Variants in SNX29 observed in about 807,000 individuals in gnomAD.
The protein encoded by SNX29 is sorting nexin-29.
SNX29 carries 78 observed loss-of-function variants against 102.1 expected under a neutral mutation model. The observed-to-expected ratio is 0.76, with a 90% confidence interval of 0.64 to 0.92. The LOEUF (loss-of-function observed/expected upper bound fraction) is 0.92, where lower values mean the gene tolerates loss of function less well. Ranked by LOEUF, SNX29 falls within the 40% of genes least tolerant of loss-of-function variation. SNX29 has a pLI of 0.00. For missense variants in SNX29, 1,280 were observed against 1,061.7 expected (o/e 1.21, Z -2.86); for synonymous variants, 580 against 414.5 (o/e 1.40, Z -4.85).
chr16:12,150,617 G>A (rs186946775), intron 13 of SNX29, among the ~76,000 whole-genome samples: 231 of 152,302 alleles, frequency 1.5e-3, no homozygotes, highest in African/African-American at 4.6e-3. Context: ...CAGGAACAGC[G>A]TCTAATGAGC....
intron 19 of SNX29, among the ~76,000 whole-genome samples, chr16:12,508,772 G>A (rs8059749): frequency 0.24 from 35,839 of 151,936 alleles, 4,454 homozygotes; most frequent in South Asian, 0.48. Flanking sequence ...TAAATGCCAC[G>A]CCACCTTCTC....
intron 19 of SNX29, among the ~76,000 whole-genome samples, chr16:12,495,077 A>G (rs1220323634): frequency 2.0e-5 from 3 of 152,208 alleles, no homozygotes; most frequent in Non-Finnish European, 4.4e-5. Flanking sequence ...ACCTTTGCAC[A>G]TGCAGTTCCT....
At chr16:12,364,882 C>T (rs754547002) in intron 16 of SNX29, among the ~76,000 whole-genome samples, 1 of 152,316 alleles carries the variant, frequency 6.6e-6, no homozygotes, top group African/African-American at 2.4e-5. Flanking sequence ...TCCCCACCAC[C>T]TCCGCTCTCT....
In SNX29 at chr16:12,568,597, C is replaced by G. The variant is rs555538602; in HGVS notation, c.2410C>G (p.Arg804Gly). The G allele has an allele frequency of 1.9e-6, 3 of 1,605,746 alleles. No individual in the cohort carries two copies. The highest frequency in any genetic ancestry group is 2.2e-5 in the South Asian group (2 of 91,084). Residue 804 changes from arginine to glycine, a missense_variant, in exon 21 of 21, where the codon CGC becomes GGC. Arg to Gly is a moderately radical substitution (Grantham distance 125). Coordinates refer to ENST00000566228, the MANE Select transcript of SNX29 (RefSeq NM_032167.5). ...GTCCCGGGGTCAGCCCCGGGAGACC[C>G]GCAACGTGGAGCCCCAGAGCGGTGA... Reference protein sequence around the residue: ...KLSRGQPRETRNVEPQSGDL With the variant: ...KLSRGQPRETGNVEPQSGDL
intron 20 of SNX29, among the ~76,000 whole-genome samples, chr16:12,540,455 A>G (rs1202149676): frequency 6.6e-6 from 1 of 152,236 alleles, no homozygotes; most frequent in African/African-American, 2.4e-5. Flanking sequence ...GAAGTCCGAG[A>G]TCCGTCTTAC....
intron 19 of SNX29, among the ~76,000 whole-genome samples, chr16:12,488,495 T>C (rs2088367519): frequency 6.6e-6 from 1 of 152,200 alleles, no homozygotes; most frequent in South Asian, 2.1e-4. Context: ...GAGCCTGGTC[T>C]TACTTGAGTC....
At chr16:12,043,576 C>T (rs558483763) in intron 5 of SNX29, among the ~76,000 whole-genome samples, 96 of 151,560 alleles carry the variant, frequency 6.3e-4, no homozygotes, top group African/African-American at 2.2e-3. Context: ...AGGCTGGTCT[C>T]GAACTCCTAG....
chr16:12,483,114 GTT>G lies in SNX29; in HGVS notation c.2178+5283_2178+5284del, dbSNP rs574090459. On this transcript the variant is annotated intron_variant, in intron 19 of 20. Transcript: ENST00000566228. The stretch of plus-strand genomic sequence containing the variant: ...AATAGATACATATTGAAGTTATTAA[GTT>G]TTTTTTTTTTTTTTTTTTTTTTTTT... 8.1e-3 allele frequency among the ~76,000 whole-genome samples: 538 copies of G among 66,098 alleles called. 2 individuals carry two copies. The highest frequency in any genetic ancestry group is 0.03 in the African/African-American group (494 of 16,374). 43.4% of individuals were successfully genotyped at this position (66,098 alleles called of 152,430 possible). A position where few individuals can be genotyped will look rare whatever the true frequency, so the allele number is the denominator to read the frequency against.
intron 8 of SNX29, among the ~76,000 whole-genome samples, chr16:12,060,650 T>C (rs1371562000): frequency 6.6e-6 from 1 of 152,162 alleles, no homozygotes; most frequent in Non-Finnish European, 1.5e-5. Flanking sequence ...GCAGGGGTTT[T>C]TTGAAACGGT....
In SNX29 at chr16:12,527,236, C is replaced by G. The variant is rs1269919559; in HGVS notation, c.2318+2395C>G. The G allele has an allele frequency of 2.8e-5, 15 of 533,922 alleles. No homozygotes were observed. In the Admixed American group the frequency reaches 2.9e-4, roughly 10 times the overall value. The allele number at this position is 533,922 out of a possible 1,614,324, so 33.1% of individuals were successfully genotyped here. ...GGGGTAATGATGGATCAGCCACAGC[C>G]AAGCCTTACCCGTGCTGACGAATCT... On this transcript the variant is annotated intron_variant, in intron 20 of 20. Transcript: ENST00000566228.
intron 18 of SNX29, among the ~76,000 whole-genome samples, chr16:12,407,676 C>A (rs1054151067): frequency 6.6e-6 from 1 of 152,146 alleles, no homozygotes; most frequent in African/African-American, 2.4e-5. Flanking sequence ...GAAACTCTTA[C>A]CCCATTTTAT....
At chr16:12,395,724 A>G (rs764888444) in intron 16 of SNX29, among the ~76,000 whole-genome samples, 26 of 152,198 alleles carry the variant, frequency 1.7e-4, no homozygotes, top group Non-Finnish European at 2.6e-4. Context: ...CAAACAGGGG[A>G]TGTTTGTGGC....
Position 12,277,799 on chromosome 16 carries a change from T to G in SNX29, c.1679-134T>G, listed in dbSNP as rs1433297674. Reference sequence around the variant, plus strand: ...TCCCATTGTTGAAGTAGTTAGTAAGTGTGTGTGTGTGTTTTTCTTGAGAGC... The same window carrying G: ...TCCCATTGTTGAAGTAGTTAGTAAGGGTGTGTGTGTGTTTTTCTTGAGAGC... On this transcript the variant is annotated intron_variant, in intron 14 of 20. Coordinates refer to ENST00000566228, the MANE Select transcript of SNX29 (RefSeq NM_032167.5). The G allele has an allele frequency of 1.9e-5, 11 of 575,614 alleles. No individual in the cohort carries two copies. The East Asian group carries it at 3.7e-4, about 19-fold the overall frequency. 35.7% of individuals were successfully genotyped at this position (575,614 alleles called of 1,614,324 possible).
At chr16:12,099,301 G>A (rs767552465) in intron 11 of SNX29, among the ~76,000 whole-genome samples, 1 of 152,164 alleles carries the variant, frequency 6.6e-6, no homozygotes, top group Non-Finnish European at 1.5e-5. Context: ...CCGTTTTCTT[G>A]TACTGCCCTT....
intron 14 of SNX29, among the ~76,000 whole-genome samples, chr16:12,229,861 G>A (rs975144731): frequency 6.6e-6 from 1 of 152,158 alleles, no homozygotes; most frequent in African/African-American, 2.4e-5. Context: ...TCTCATACTG[G>A]TCTGGTTGGA....
chr16:12,051,735 T>C (rs2050311568), intron 7 of SNX29, 112 bp from the exon 8 acceptor site: 1 of 1,409,538 alleles, frequency 7.1e-7, no homozygotes, highest in Admixed American at 2.6e-5. Context: ...CATGTTACAG[T>C]GTATTTCTCA....
intron 11 of SNX29, among the ~76,000 whole-genome samples, chr16:12,108,642 C>T (rs2053367553): frequency 6.6e-6 from 1 of 152,104 alleles, no homozygotes; most frequent in South Asian, 2.1e-4. Flanking sequence ...GTGATCATGT[C>T]CCTGTGCCCC....
intron 14 of SNX29, among the ~76,000 whole-genome samples, chr16:12,242,181 A>G (rs1008057573): frequency 1.3e-5 from 2 of 152,202 alleles, no homozygotes; most frequent in South Asian, 4.1e-4. Flanking sequence ...GGTTTCTGAT[A>G]TACAGTAAAT....
At chr16:12,227,356 G>A (rs935820850) in intron 14 of SNX29, among the ~76,000 whole-genome samples, 13 of 152,172 alleles carry the variant, frequency 8.5e-5, no homozygotes, top group Admixed American at 2.0e-4. Context: ...CAGTGACAAC[G>A]TGGAGTGGCT....
Sources: allele counts gnomAD v4.1 joint callset (sites outside exome capture counted in the v4.1 genomes callset), GRCh38; gene constraint gnomAD v4.1.1; transcripts MANE v1.5; gene names NCBI Gene and HGNC (gene_info 2026-07-23, HGNC 2026-07-21).